Variants in CCAR1 observed in about 807,000 individuals in gnomAD.
CCAR1 encodes cell division cycle and apoptosis regulator protein 1.
CCAR1 carries 78 observed loss-of-function variants against 163.8 expected under a neutral mutation model. The ratio of observed to expected loss-of-function variants is 0.48; its 90% confidence interval spans 0.40 to 0.57. CCAR1 has a LOEUF of 0.57. Ranked by LOEUF, CCAR1 falls within the 20% of genes least tolerant of loss-of-function variation. The pLI is 0.00. For missense variants in CCAR1, 1,019 were observed against 1,365.2 expected, an observed-to-expected ratio of 0.75 and a Z score of 4.00; for synonymous variants, 443 against 460.7, an observed-to-expected ratio of 0.96 and a Z score of 0.49.
At position 68,779,146 on chromosome 10, in the gene CCAR1, A is replaced by C. The variant is rs533847955; in HGVS notation, c.2650+6047A>C. Among the ~76,000 whole-genome samples the C allele has an allele frequency of 2.8e-3, 417 of 149,720 alleles. 2 individuals carry two copies. The highest frequency in any genetic ancestry group is 9.5e-3 in the African/African-American group (389 of 40,740). ...GCGTGAGCCACTGTGCCTGGCTGAG[A>C]CTACACTTCTTAGAATACAAAAGCA... On this transcript the variant is annotated intron_variant, in intron 19 of 24. Transcript: ENST00000265872.
chr10:68,768,866 T>G (rs995588822), intron 17 of CCAR1, among the ~76,000 whole-genome samples: 2 of 152,216 alleles, frequency 1.3e-5, no homozygotes, highest in Non-Finnish European at 2.9e-5. Flanking sequence ...ATTATAGTTA[T>G]AATAAATTGC....
chr10:68,722,250 G>C (rs2055869997), intron 1 of CCAR1, among the ~76,000 whole-genome samples: 1 of 152,134 alleles, frequency 6.6e-6, no homozygotes, highest in Non-Finnish European at 1.5e-5. Flanking sequence ...TTGTAAAATA[G>C]GGCATTTTTG....
Position 68,786,155 on chromosome 10 carries a change from G to T in CCAR1, c.2670G>T (p.Met890Ile), listed in dbSNP as rs2056792849. The change falls in exon 20 of 25, where the codon ATG (methionine) becomes ATT (isoleucine). Residue 890 changes from methionine to isoleucine, a missense_variant. This residue lies in a region of CCAR1 where 358 missense variants were observed against 406.4 expected (regional missense o/e 0.88). Transcript: ENST00000265872. ...TTACAGATAGGGATGAGGAAGAAAT[G>T]ACCAAACGAGATGACAAAAGAGATA... ...DEEDDRDEEE[M>I]TKRDDKRDIN... 2 of 1,611,958 alleles carry T rather than the reference G, an allele frequency of 1.2e-6. No homozygotes were observed.
Position 68,787,975 on chromosome 10 carries a change from C to T in CCAR1, c.2929C>T (p.Arg977Trp). The change falls in exon 22 of 25, where the codon CGG becomes TGG. Residue 977 changes from arginine to tryptophan, a missense_variant. By Grantham distance (101) the Arg-to-Trp change is moderately radical. Around this residue, in one of 4 missense-constraint regions of CCAR1, gnomAD observed 358 missense variants for 406.4 expected, o/e 0.88. Transcript: ENST00000265872. ...AGTGCTCCGTGAATCTTGCTTTTAC[C>T]GGAAATTAACAGACACCTCAAAAGA... ...KVVLRESCFY[R>W]KLTDTSKDEE... 8.1e-6 allele frequency: 13 copies of T among 1,612,740 alleles called. No individual in the cohort carries two copies. The highest frequency in any genetic ancestry group is 1.1e-5 in the Non-Finnish European group (13 of 1,179,314).
intron 1 of CCAR1, among the ~76,000 whole-genome samples, chr10:68,721,896 A>T (rs2055863503): frequency 6.6e-6 from 1 of 152,150 alleles, no homozygotes; most frequent in African/African-American, 2.4e-5. Context: ...TTTAAGGGAC[A>T]TCCATTATCT....
At chr10:68,727,181 C>A (rs967968015) in intron 2 of CCAR1, among the ~76,000 whole-genome samples, 20 of 149,550 alleles carry the variant, frequency 1.3e-4, no homozygotes, top group Non-Finnish European at 2.1e-4. Flanking sequence ...GATTCTTGTG[C>A]CTCAGCCTTT....
At chr10:68,768,274 T>G (rs1275143203) in intron 17 of CCAR1, among the ~76,000 whole-genome samples, 1 of 152,120 alleles carries the variant, frequency 6.6e-6, no homozygotes, top group Non-Finnish European at 1.5e-5. Context: ...TAAGCAGATG[T>G]CCTTAAAATC....
intron 5 of CCAR1, among the ~76,000 whole-genome samples, chr10:68,741,819 G>A (rs2056187848): frequency 6.6e-6 from 1 of 152,150 alleles, no homozygotes; most frequent in South Asian, 2.1e-4. Context: ...ATAACATTTT[G>A]TACTGTATTT....
chr10:68,750,052 G>A (rs2056310727), intron 10 of CCAR1, among the ~76,000 whole-genome samples: 1 of 152,072 alleles, frequency 6.6e-6, no homozygotes, highest in African/African-American at 2.4e-5. Context: ...TTCAAGTTTA[G>A]CCCTGGCAGT....
intron 6 of CCAR1, among the ~76,000 whole-genome samples, 189 bp from the exon 7 acceptor site, chr10:68,746,972 A>G (rs1235455497): frequency 6.6e-6 from 1 of 152,046 alleles, no homozygotes; most frequent in Admixed American, 6.6e-5. Context: ...TACATGTGCT[A>G]TGCTGGTGTG....
At chr10:68,736,221 A>G (rs915936541) in intron 2 of CCAR1, among the ~76,000 whole-genome samples, 10 of 152,310 alleles carry the variant, frequency 6.6e-5, no homozygotes, top group East Asian at 3.9e-4. Flanking sequence ...TATGGTATAC[A>G]TACACAATTA....
In CCAR1 at chr10:68,758,606, T is replaced by TAC. The variant is rs1361583478; in HGVS notation, c.1920+1230_1920+1231dup. Reference sequence around the variant, plus strand: ...GTATATATGTACACACACATATATATACGTGTGTGTATATATATATATATG... The same window carrying TAC: ...GTATATATGTACACACACATATATATACACGTGTGTGTATATATATATATATG... On this transcript the variant is annotated intron_variant, in intron 15 of 24. Transcript: ENST00000265872. Among the ~76,000 whole-genome samples the TAC allele has an allele frequency of 2.9e-5, 4 of 137,276 alleles. No homozygotes were observed. The East Asian group carries it at 6.9e-4, about 24-fold the overall frequency. 90.1% of individuals were successfully genotyped at this position (137,276 alleles called of 152,430 possible). A position where few individuals can be genotyped will look rare whatever the true frequency, so the allele number is the denominator to read the frequency against.
At chr10:68,786,422 G>A (rs754045846) in intron 20 of CCAR1, 124 bp from the exon 21 acceptor site, 22 of 743,482 alleles carry the variant, frequency 3.0e-5, no homozygotes, top group Non-Finnish European at 4.1e-5. Context: ...ACTCATTTTA[G>A]CTAGGATGAG....
chr10:68,746,506 C>T (rs181252243), intron 6 of CCAR1, among the ~76,000 whole-genome samples: 2 of 152,086 alleles, frequency 1.3e-5, no homozygotes, highest in African/African-American at 2.4e-5. Context: ...ATCTGCCCAC[C>T]TTAGTCACCC....
intron 19 of CCAR1, among the ~76,000 whole-genome samples, chr10:68,773,524 G>A (rs1034989026): frequency 6.6e-5 from 10 of 152,004 alleles, no homozygotes; most frequent in African/African-American, 2.2e-4. Context: ...TTAGCCAGGC[G>A]GTAGTGGCGC....
At chr10:68,745,455 C>T (rs1366328986) in intron 6 of CCAR1, among the ~76,000 whole-genome samples, 7 of 151,012 alleles carry the variant, frequency 4.6e-5, no homozygotes, top group Non-Finnish European at 8.8e-5. Context: ...GCCCATGCTA[C>T]CACGTCCAGC....
At chr10:68,764,406 GCATGGTCA>G (rs2056511750) in intron 16 of CCAR1, among the ~76,000 whole-genome samples, 1 of 151,884 alleles carries the variant, frequency 6.6e-6, no homozygotes, top group African/African-American at 2.4e-5. Flanking sequence ...ATTTAGCCGA[GCATGGTCA>G]CATGTGGCTG....
At chr10:68,750,363 A>G (rs2056315984) in intron 10 of CCAR1, among the ~76,000 whole-genome samples, 1 of 151,936 alleles carries the variant, frequency 6.6e-6, no homozygotes, top group Non-Finnish European at 1.5e-5. Context: ...CTGGGATTAC[A>G]GGTGCTCAGC....
rs2133364476 is a variant in CCAR1 at position 68,755,505 on chromosome 10, A to G, written c.1594A>G (p.Thr532Ala). The stretch of plus-strand genomic sequence containing the variant: ...TGCTATTCGTTGTTGTAAGGCTCTG[A>G]CAGGCATTGATCTAAGTGTGTGCAC... The part of the protein sequence containing the change: ...KTAIRCCKAL[T>A]GIDLSVCTQW... Residue 532 changes from threonine (T) to alanine (A), a missense_variant, in exon 13 of 25, where the codon ACA (threonine) becomes GCA (alanine). Physicochemically the swap from Thr to Ala is moderately conservative, Grantham distance 58. Around this residue, in one of 4 missense-constraint regions of CCAR1, gnomAD observed 644 missense variants for 904.4 expected, o/e 0.71. Coordinates refer to ENST00000265872, the MANE Select transcript of CCAR1 (RefSeq NM_018237.4). 1 of 1,614,148 alleles carries G rather than the reference A, an allele frequency of 6.2e-7. No individual in the cohort carries two copies. Among genetic ancestry groups the G allele is most frequent in the East Asian group, 2.2e-5 (1 of 44,888 alleles).
Sources: gnomAD v4.1 joint callset for allele counts (sites outside exome capture counted in the v4.1 genomes callset) on GRCh38, gnomAD v4.1.1 for gene constraint, gnomAD v4.1.1 regional missense constraint, MANE v1.5 for transcripts, NCBI Gene and HGNC (gene_info 2026-07-23, HGNC 2026-07-21) for gene names.